CHSY3: variants seen among roughly 807,000 people sequenced by gnomAD.
CHSY3 encodes the protein N-acetylgalactosaminyl-proteoglycan 3-beta-glucuronosyltransferase 3.
CHSY3 carries 35 observed loss-of-function variants against 67.2 expected under a neutral mutation model. The ratio of observed to expected loss-of-function variants is 0.52; its 90% confidence interval spans 0.40 to 0.69. The LOEUF is 0.69. Among genes scored for constraint, CHSY3 ranks in the 30% least tolerant of loss-of-function variants. The pLI is 0.00. For synonymous variants in CHSY3, 474 were observed against 434.7 expected (o/e 1.09, Z -1.12); for missense variants, 1,069 against 1,138.5 (o/e 0.94, Z 0.88).
At chr5:129,951,724 C>T (rs1042429469) in intron 2 of CHSY3, among the ~76,000 whole-genome samples, 5 of 152,128 alleles carry the variant, frequency 3.3e-5, no homozygotes, top group Non-Finnish European at 4.4e-5. Context: ...TACATAGAAG[C>T]GGTCTAAACC....
At chr5:130,042,592 A>C (rs1282689127) in intron 2 of CHSY3, among the ~76,000 whole-genome samples, 1 of 152,146 alleles carries the variant, frequency 6.6e-6, no homozygotes, top group African/African-American at 2.4e-5. Context: ...TTATATTCTC[A>C]GTTTGTTAAA....
At chr5:130,007,236 C>T (rs1373209390) in intron 2 of CHSY3, among the ~76,000 whole-genome samples, 1 of 151,964 alleles carries the variant, frequency 6.6e-6, no homozygotes, top group Non-Finnish European at 1.5e-5. Context: ...GTTGTTTTGT[C>T]ACTGCTGTGA....
At chr5:130,160,475 C>T (rs1400360156) in intron 2 of CHSY3, among the ~76,000 whole-genome samples, 1 of 152,124 alleles carries the variant, frequency 6.6e-6, no homozygotes, top group African/African-American at 2.4e-5. Flanking sequence ...TTTTTAAATC[C>T]ATCCCTTTGC....
intron 2 of CHSY3, among the ~76,000 whole-genome samples, chr5:129,965,349 C>T (rs778347639): frequency 1.3e-5 from 2 of 151,896 alleles, no homozygotes; most frequent in Non-Finnish European, 2.9e-5. Context: ...GACACCATCA[C>T]GTATTACTTT....
At chr5:130,097,783 C>G (rs1408148779) in intron 2 of CHSY3, among the ~76,000 whole-genome samples, 1 of 152,192 alleles carries the variant, frequency 6.6e-6, no homozygotes, top group Non-Finnish European at 1.5e-5. Flanking sequence ...GCGGGCGGAT[C>G]ACAAGGTCAG....
chr5:130,042,665 TC>T (rs1765037899), intron 2 of CHSY3, among the ~76,000 whole-genome samples: 2 of 152,152 alleles, frequency 1.3e-5, no homozygotes, highest in Non-Finnish European at 2.9e-5. Context: ...TCAATTACTT[TC>T]TTAACATGTA....
At chr5:129,988,550 T>C (rs753422565) in intron 2 of CHSY3, among the ~76,000 whole-genome samples, 3 of 152,198 alleles carry the variant, frequency 2.0e-5, no homozygotes, top group Non-Finnish European at 4.4e-5. Context: ...GGAGTTCTTA[T>C]CAGTTGTGTT....
At chr5:130,141,386 C>T (rs929156513) in intron 2 of CHSY3, 5 of 376,374 alleles carry the variant, frequency 1.3e-5, no homozygotes, top group Non-Finnish European at 2.7e-5. Flanking sequence ...CAACAACCTG[C>T]TTGTCAAGTT....
intron 1 of CHSY3, 60 bp downstream of exon 1, chr5:129,905,691 C>A (rs953572756): frequency 6.4e-7 from 1 of 1,573,912 alleles, no homozygotes; most frequent in Non-Finnish European, 8.6e-7. Flanking sequence ...TCTCTGTAAC[C>A]GGTCCTAGCC....
At chr5:129,914,511 T>C (rs902570429) in intron 2 of CHSY3, among the ~76,000 whole-genome samples, 3 of 152,258 alleles carry the variant, frequency 2.0e-5, no homozygotes, top group African/African-American at 7.2e-5. Flanking sequence ...GACAGGGATT[T>C]TGATTTAAAA....
intron 2 of CHSY3, among the ~76,000 whole-genome samples, chr5:129,994,011 C>A (rs1763452638): frequency 1.3e-5 from 2 of 152,124 alleles, no homozygotes. Flanking sequence ...GTTGAAAATT[C>A]TTTTCTTTAA....
At chr5:130,060,453 T>C (rs1010441453) in intron 2 of CHSY3, among the ~76,000 whole-genome samples, 2 of 152,094 alleles carry the variant, frequency 1.3e-5, no homozygotes, top group Admixed American at 6.6e-5. Flanking sequence ...CCCACAGTTA[T>C]CATACTGCAT....
chr5:130,002,139 A>G, intron 2 of CHSY3: 2 of 879,150 alleles, frequency 2.3e-6, no homozygotes, highest in Non-Finnish European at 2.7e-6. Flanking sequence ...GTCCCTTGAG[A>G]GAATCATTCA....
chr5:130,103,410 A>G (rs759716417), intron 2 of CHSY3, among the ~76,000 whole-genome samples: 7 of 152,106 alleles, frequency 4.6e-5, no homozygotes, highest in Non-Finnish European at 8.8e-5. Context: ...AGTAATATAA[A>G]TGTATGACTG....
chr5:130,180,492 G>C (rs1471222622), intron 2 of CHSY3, among the ~76,000 whole-genome samples: 1 of 151,910 alleles, frequency 6.6e-6, no homozygotes, highest in African/African-American at 2.4e-5. Context: ...AAGTTACCTT[G>C]TGCCTATTAG....
chr5:129,936,782 T>C (rs1761507363), intron 2 of CHSY3, among the ~76,000 whole-genome samples: 1 of 152,202 alleles, frequency 6.6e-6, no homozygotes, highest in Non-Finnish European at 1.5e-5. Flanking sequence ...ATATATGGTA[T>C]ACAAGGTCTT....
chr5:129,937,183 G>T (rs1367499164), intron 2 of CHSY3, among the ~76,000 whole-genome samples: 3 of 152,192 alleles, frequency 2.0e-5, no homozygotes, highest in Admixed American at 1.3e-4. Flanking sequence ...TTGGTTCATG[G>T]TTATGTGGGC....
intron 2 of CHSY3, among the ~76,000 whole-genome samples, chr5:130,090,144 C>T (rs1766828027): frequency 6.6e-6 from 1 of 152,172 alleles, no homozygotes; most frequent in African/African-American, 2.4e-5. Flanking sequence ...CTGCTCAGGC[C>T]TGCTTTAGCT....
chr5:129,911,600 C>A (rs1214025251), intron 2 of CHSY3, among the ~76,000 whole-genome samples: 1 of 152,152 alleles, frequency 6.6e-6, no homozygotes, highest in Non-Finnish European at 1.5e-5. Flanking sequence ...AACATGGATT[C>A]ATATATTTCA....
Sources: allele counts gnomAD v4.1 joint callset (sites outside exome capture counted in the v4.1 genomes callset), GRCh38; gene constraint gnomAD v4.1.1; transcripts MANE v1.5; gene names NCBI Gene and HGNC (gene_info 2026-07-23, HGNC 2026-07-21).